DENND4C: variants seen among roughly 807,000 people sequenced by gnomAD.
DENND4C encodes DENN domain-containing protein 4C.
A neutral mutation model predicts 203.0 loss-of-function variants in DENND4C; 108 were observed. The ratio of observed to expected loss-of-function variants is 0.53; its 90% CI spans 0.46 to 0.62. The LOEUF is 0.62. DENND4C is among the 20% of genes least tolerant of loss of function. The pLI is 0.00. For synonymous variants in DENND4C, 871 were observed against 792.4 expected (o/e 1.10, Z -1.67); for missense variants, 2,481 against 2,301.2 (o/e 1.08, Z -1.60).
chr9:19,272,763 TTTTTA>T (rs1483233157), intron 1 of DENND4C, among the ~76,000 whole-genome samples: 1 of 151,600 alleles, frequency 6.6e-6, no homozygotes, highest in Non-Finnish European at 1.5e-5. Flanking sequence ...TGTTTTTTTA[TTTTTA>T]TTTTTATTTT....
chr9:19,320,297 C>G (rs956008005), intron 12 of DENND4C, among the ~76,000 whole-genome samples: 1 of 151,864 alleles, frequency 6.6e-6, no homozygotes, highest in African/African-American at 2.4e-5. Context: ...CTCCCAGGCT[C>G]AAGTGATTCT....
chr9:19,257,494 A>T (rs1828283546), intron 1 of DENND4C, among the ~76,000 whole-genome samples: 1 of 152,204 alleles, frequency 6.6e-6, no homozygotes, highest in South Asian at 2.1e-4. Context: ...CACCTTAAAA[A>T]ACTTGAAAAA....
At chr9:19,238,240 G>A (rs1822534522) in intron 1 of DENND4C, among the ~76,000 whole-genome samples, 2 of 151,638 alleles carry the variant, frequency 1.3e-5, no homozygotes, top group Admixed American at 6.6e-5. Context: ...GCACCACCAT[G>A]CCCGGCTAAT....
At chr9:19,314,573 A>C (rs1212080426) in intron 10 of DENND4C, among the ~76,000 whole-genome samples, 2 of 152,240 alleles carry the variant, frequency 1.3e-5, no homozygotes, top group East Asian at 3.8e-4. Context: ...AAATTTAAAA[A>C]ACATTGACAT....
chr9:19,344,744 C>G (rs1822433757), intron 22 of DENND4C, among the ~76,000 whole-genome samples: 1 of 152,124 alleles, frequency 6.6e-6, no homozygotes, highest in Non-Finnish European at 1.5e-5. Flanking sequence ...CTCAGGTGAT[C>G]CGCCTGCCTC....
chr9:19,275,829 A>T (rs1832797666), intron 1 of DENND4C, among the ~76,000 whole-genome samples: 1 of 152,074 alleles, frequency 6.6e-6, no homozygotes, highest in African/African-American at 2.4e-5. Context: ...CTGGTCGCGA[A>T]CTTAAGACCT....
At chr9:19,332,969 C>T (rs1819614260) in intron 17 of DENND4C, among the ~76,000 whole-genome samples, 1 of 150,346 alleles carries the variant, frequency 6.7e-6, no homozygotes, top group Admixed American at 6.6e-5. Flanking sequence ...TGGCTCTCCA[C>T]TTAGGACCTG....
At chr9:19,242,215 T>C (rs1047704833) in intron 1 of DENND4C, among the ~76,000 whole-genome samples, 19 of 152,244 alleles carry the variant, frequency 1.2e-4, no homozygotes, top group African/African-American at 4.6e-4. Flanking sequence ...CTTAGCAATA[T>C]ACATTTAAGG....
At chr9:19,315,155 C>CAA (rs10623955) in intron 10 of DENND4C, among the ~76,000 whole-genome samples, 33,563 of 118,922 alleles carry the variant, frequency 0.28, 4,852 homozygotes, top group East Asian at 0.42. Context: ...GACTCCGTCT[C>CAA]AAAAAAAAAA....
intron 30 of DENND4C, among the ~76,000 whole-genome samples, chr9:19,366,918 G>A (rs556928567): frequency 1.3e-5 from 2 of 152,294 alleles, no homozygotes; most frequent in East Asian, 1.9e-4. Flanking sequence ...AAGGTCAATC[G>A]ACAGATTGGG....
chr9:19,275,121 G>A (rs904449759), intron 1 of DENND4C, among the ~76,000 whole-genome samples: 10 of 151,660 alleles, frequency 6.6e-5, no homozygotes, highest in Non-Finnish European at 1.2e-4. Context: ...GGGATTACAG[G>A]TGCCCACCAC....
chr9:19,318,146 C>G (rs2131579657), intron 12 of DENND4C, among the ~76,000 whole-genome samples: 1 of 152,194 alleles, frequency 6.6e-6, no homozygotes, highest in Admixed American at 6.5e-5. Context: ...TGGTGAAACC[C>G]TGTCTCTACG....
chr9:19,315,004 T>C (rs1467217492), intron 10 of DENND4C, among the ~76,000 whole-genome samples: 1 of 151,262 alleles, frequency 6.6e-6, no homozygotes, highest in African/African-American at 2.4e-5. Flanking sequence ...TCTACTAAAA[T>C]AAAAAATTAG....
At position 19,296,177 on chromosome 9, in the gene DENND4C, C is replaced by A; in HGVS notation, c.971C>A (p.Ala324Asp). Reference sequence around the variant, plus strand: ...CTCTCACACTGGCCTTTTTTTGAAGCTTTTAGGAAATTTCTTATGTTTATC... The same window carrying A: ...CTCTCACACTGGCCTTTTTTTGAAGATTTTAGGAAATTTCTTATGTTTATC... ...CLLSHWPFFE[A>D]FRKFLMFIYK... is the part of the protein sequence containing the mutation. Residue 324 changes from alanine (A) to aspartate (D), a missense_variant, in exon 6 of 33, where the codon GCT (alanine) becomes GAT (aspartate). Physicochemically the swap from Ala to Asp is moderately radical, Grantham distance 126. Coordinates refer to ENST00000434457, the MANE Select transcript of DENND4C (RefSeq NM_001330640.2). 6.2e-7 allele frequency: 1 copy of A among 1,613,688 alleles called. No individual in the cohort carries two copies. Among genetic ancestry groups the A allele is most frequent in the South Asian group, 1.1e-5 (1 of 91,062 alleles).
At chr9:19,355,821 T>G (rs1563836818) in intron 26 of DENND4C, among the ~76,000 whole-genome samples, 2 of 152,172 alleles carry the variant, frequency 1.3e-5, no homozygotes, top group Non-Finnish European at 2.9e-5. Context: ...TAGATTAATG[T>G]GAGGAAAATT....
rs147212875 is a variant in DENND4C at position 19,291,052 on chromosome 9, A to T, written c.801+176A>T. 2.2e-3 allele frequency among the ~76,000 whole-genome samples: 335 copies of T among 152,338 alleles called. 1 individual carries two copies. Among genetic ancestry groups the T allele is most frequent in the Non-Finnish European group, 2.9e-3 (200 of 68,032 alleles). ...CATGAAAATTGCTATCAGGATATTGATACCTCTGGAACTTCTACAGAAGCA... is the reference window on the plus strand; with the variant it reads ...CATGAAAATTGCTATCAGGATATTGTTACCTCTGGAACTTCTACAGAAGCA... On this transcript the variant is annotated intron_variant, in intron 5 of 32. Coordinates refer to ENST00000434457, the MANE Select transcript of DENND4C (RefSeq NM_001330640.2).
intron 22 of DENND4C, among the ~76,000 whole-genome samples, chr9:19,344,568 C>T (rs1362948599): frequency 6.6e-6 from 1 of 152,168 alleles, no homozygotes; most frequent in African/African-American, 2.4e-5. Flanking sequence ...AGTCATGGCT[C>T]ACTGCAGCCT....
chr9:19,322,962 G>T (rs1359196805), intron 12 of DENND4C, among the ~76,000 whole-genome samples: 2 of 152,174 alleles, frequency 1.3e-5, no homozygotes, highest in African/African-American at 2.4e-5. Flanking sequence ...CTGTGACTGT[G>T]TGTTGAAGTT....
chr9:19,353,800 C>T (rs1273354085), intron 26 of DENND4C, among the ~76,000 whole-genome samples: 1 of 151,740 alleles, frequency 6.6e-6, no homozygotes, highest in Non-Finnish European at 1.5e-5. Context: ...AGCCCGACAC[C>T]ATGGCACATG....
Sources: allele counts gnomAD v4.1 joint callset (sites outside exome capture counted in the v4.1 genomes callset), GRCh38; gene constraint gnomAD v4.1.1; transcripts MANE v1.5; gene names NCBI Gene and HGNC (gene_info 2026-07-23, HGNC 2026-07-21).